BIRC6: variants seen among roughly 807,000 people sequenced by gnomAD.
The protein encoded by BIRC6 is baculoviral IAP repeat containing 6.
Under a neutral mutation model 503.3 loss-of-function variants are expected in BIRC6, and 98 were observed. That is an observed-to-expected ratio of 0.19 (90% CI 0.17 to 0.23). BIRC6 has a LOEUF of 0.23. BIRC6 is among the 10% of genes least tolerant of loss of function. BIRC6 has a pLI of 1.00. For missense variants in BIRC6, 5,360 were observed against 5,806.0 expected (o/e 0.92, Z 2.50); for synonymous variants, 2,240 against 2,078.7 (o/e 1.08, Z -2.11).
chr2:32,370,724 G>T (rs543626616), intron 1 of BIRC6, among the ~76,000 whole-genome samples: 1 of 152,098 alleles, frequency 6.6e-6, no homozygotes, highest in South Asian at 2.1e-4. Context: ...TGGGTACATA[G>T]TAGGTGTATA....
intron 45 of BIRC6, among the ~76,000 whole-genome samples, chr2:32,496,404 A>G (rs1410762324): frequency 6.6e-6 from 1 of 152,018 alleles, no homozygotes; most frequent in African/African-American, 2.4e-5. Flanking sequence ...TTGTATTTTC[A>G]GTAGAGATGG....
chr2:32,588,781 A>G (rs915395745), intron 66 of BIRC6, among the ~76,000 whole-genome samples: 1 of 152,216 alleles, frequency 6.6e-6, no homozygotes, highest in African/African-American at 2.4e-5. Context: ...TAATACTTTA[A>G]ATCTGTACAT....
chr2:32,518,295 C>G lies in BIRC6; in HGVS notation c.11391C>G (p.Asn3797Lys). 3 of 1,612,960 alleles carry G rather than the reference C, an allele frequency of 1.9e-6. No individual in the cohort carries two copies. Among genetic ancestry groups the G allele is most frequent in the Non-Finnish European group, 2.5e-6 (3 of 1,179,520 alleles). The change falls in exon 56 of 74, where the codon AAC (asparagine) becomes AAG (lysine). Residue 3797 changes from asparagine (N) to lysine (K), a missense_variant. Asn to Lys is a moderately conservative substitution (Grantham distance 94). This residue lies in a region of BIRC6 where 878 missense variants were observed against 928.9 expected (regional missense o/e 0.95). Coordinates refer to ENST00000421745, the MANE Select transcript of BIRC6 (RefSeq NM_016252.4). ...ELFQTSPQRG[N>K]LPTSGNISGF... The stretch of plus-strand genomic sequence containing the variant: ...TTCAGACATCTCCTCAAAGAGGGAA[C>G]CTTCCAACATCTGGGAACATTTCAG...
intron 68 of BIRC6, among the ~76,000 whole-genome samples, chr2:32,596,580 G>A (rs773089483): frequency 8.6e-5 from 13 of 151,950 alleles, no homozygotes; most frequent in Non-Finnish European, 1.9e-4. Flanking sequence ...AAAGTGTACA[G>A]CATCACTCAC....
intron 10 of BIRC6, among the ~76,000 whole-genome samples, chr2:32,419,719 A>G (rs1307643163): frequency 6.6e-6 from 1 of 152,172 alleles, no homozygotes; most frequent in Non-Finnish European, 1.5e-5. Context: ...GACCCCAACA[A>G]CATAAAGCCT....
chr2:32,434,178 T>C (rs1574175282), intron 13 of BIRC6, among the ~76,000 whole-genome samples: 1 of 152,214 alleles, frequency 6.6e-6, no homozygotes, highest in Admixed American at 6.5e-5. Flanking sequence ...AGCCAGCCTT[T>C]CATGTAATGC....
rs751694690 is a variant in BIRC6 at position 32,499,730 on chromosome 2, T to A, written c.8652T>A (p.Asp2884Glu). ...SDKVMSRSGS[D>E]SSVGARACFG... ...AAGTAATGTCAAGAAGTGGATCAGA[T>A]AGCTCCGTGGGTGCTCGAGCATGCT... The change falls in exon 46 of 74, where the codon GAT (aspartate) becomes GAA (glutamate). Residue 2884 changes from aspartate to glutamate, a missense_variant. Around this residue, in one of 16 missense-constraint regions of BIRC6, gnomAD observed 2,299 missense variants for 2,267.2 expected, o/e 1.01. Transcript: ENST00000421745. 1 of 1,614,034 alleles carries A rather than the reference T, an allele frequency of 6.2e-7. No individual in the cohort carries two copies. The highest frequency in any genetic ancestry group is 1.1e-5 in the South Asian group (1 of 91,082).
rs563251446 is a variant in BIRC6, at chr2:32,359,205, G to A, written c.325+1719G>A. Among the ~76,000 whole-genome samples, 8 of 152,110 alleles carry A rather than the reference G, an allele frequency of 5.3e-5. No homozygotes were observed. In the South Asian group the frequency reaches 1.5e-3, roughly 28 times the overall value. ...TATATGTTTCTATCTTGAGGATGTAGTATTTTTGTGATTTTTAACTTGGAA... is the reference window on the plus strand; with the variant it reads ...TATATGTTTCTATCTTGAGGATGTAATATTTTTGTGATTTTTAACTTGGAA... On this transcript the variant is annotated intron_variant, in intron 1 of 73. Transcript: ENST00000421745.
chr2:32,473,706 C>CGT (rs70938348), intron 33 of BIRC6, among the ~76,000 whole-genome samples: 15,948 of 72,586 alleles, frequency 0.22, 2,093 homozygotes, highest in East Asian at 0.25. Flanking sequence ...TCTCCTTTTT[C>CGT]GTGTGTGTGT....
chr2:32,609,055 G>T (rs1207060924), intron 72 of BIRC6, among the ~76,000 whole-genome samples: 1 of 151,070 alleles, frequency 6.6e-6, no homozygotes, highest in East Asian at 2.0e-4. Context: ...AATTTTTTTT[G>T]TATTTTTTAG....
chr2:32,441,457 G>C lies in BIRC6; in HGVS notation c.3939G>C (p.Lys1313Asn), dbSNP rs188870924. 1.2e-6 allele frequency: 2 copies of C among 1,608,184 alleles called. No homozygotes were observed. Among genetic ancestry groups the C allele is most frequent in the Non-Finnish European group, 1.7e-6 (2 of 1,176,246 alleles). The change falls in exon 17 of 74, where the codon AAG becomes AAC. Residue 1313 changes from lysine to asparagine, a missense_variant. This residue lies in a region of BIRC6 where 2,299 missense variants were observed against 2,267.2 expected (regional missense o/e 1.01). Coordinates refer to ENST00000421745, the MANE Select transcript of BIRC6 (RefSeq NM_016252.4). ...GATTTAAGAAAACCTCAATTTCTAAGGAAAGGTAATTTCATTGCATTATCT... is the reference window on the plus strand; with the variant it reads ...GATTTAAGAAAACCTCAATTTCTAACGAAAGGTAATTTCATTGCATTATCT... Reference protein sequence around the residue: ...IRRFKKTSISKERVQRCAMLQ... With the variant: ...IRRFKKTSISNERVQRCAMLQ...
At chr2:32,556,825 G>C (rs2150558762) in intron 65 of BIRC6, among the ~76,000 whole-genome samples, 1 of 152,236 alleles carries the variant, frequency 6.6e-6, no homozygotes, top group Admixed American at 6.5e-5. Context: ...TGTAGTCCCA[G>C]CTACTTGGGA....
At chr2:32,443,750 T>C (rs2045666607) in intron 20 of BIRC6, among the ~76,000 whole-genome samples, 162 bp downstream of exon 20, 1 of 152,246 alleles carries the variant, frequency 6.6e-6, no homozygotes, top group Non-Finnish European at 1.5e-5. Flanking sequence ...TGGGTGGTCA[T>C]ATACTCCGTC....
chr2:32,456,378 T>G (rs1321996278), intron 23 of BIRC6, among the ~76,000 whole-genome samples: 1 of 152,244 alleles, frequency 6.6e-6, no homozygotes. Context: ...AGGATTCTTT[T>G]GTCCGAATGC....
intron 65 of BIRC6, chr2:32,558,682 T>C (rs995955955): frequency 5.3e-5 from 8 of 152,222 alleles, no homozygotes; most frequent in East Asian, 3.8e-4. Context: ...TAAAGTGTTA[T>C]CAGATATGTT....
In BIRC6 at chr2:32,479,320, G is replaced by A. The variant is rs1457080523; in HGVS notation, c.7253-142G>A. 5.5e-6 allele frequency: 4 copies of A among 731,256 alleles called. No individual in the cohort carries two copies. In the African/African-American group the frequency reaches 7.1e-5, roughly 13 times the overall value. The allele number at this position is 731,256 out of a possible 1,614,324, so 45.3% of individuals were successfully genotyped here. ...GAGTCCTAGCATTCCTTACGGGGGTGGGAACTCATTTGCCTCAGATTCTTT... is the reference window on the plus strand; with the variant it reads ...GAGTCCTAGCATTCCTTACGGGGGTAGGAACTCATTTGCCTCAGATTCTTT... On this transcript the variant is annotated intron_variant, in intron 36 of 73. Transcript: ENST00000421745.
intron 35 of BIRC6, among the ~76,000 whole-genome samples, chr2:32,477,854 G>GT (rs767415021): frequency 4.6e-5 from 7 of 151,464 alleles, no homozygotes; most frequent in Non-Finnish European, 8.8e-5. Flanking sequence ...TTTGCAGTTA[G>GT]TTTTTTTATT....
chr2:32,360,952 ACT>A (rs141658742), intron 1 of BIRC6, among the ~76,000 whole-genome samples: 3,204 of 151,764 alleles, frequency 0.021, 103 homozygotes, highest in African/African-American at 0.075. Flanking sequence ...ACAGAGTGTC[ACT>A]CTGTGGCCCA....
rs781369371 is a variant in BIRC6, at chr2:32,531,426, A to G, written c.12166A>G (p.Ile4056Val). The change falls in exon 61 of 74, where the codon ATA becomes GTA. Residue 4056 changes from isoleucine (I) to valine (V), a missense_variant. Transcript: ENST00000421745. ...LTPGDECMDG[I>V]LDESLLETCP... ...TCCAGGTGATGAATGCATGGATGGG[A>G]TACTGGATGAATCTTTGCTTGAAAC... 1.9e-6 allele frequency: 3 copies of G among 1,613,850 alleles called. No individual in the cohort carries two copies. Among genetic ancestry groups the G allele is most frequent in the Admixed American group, 1.7e-5 (1 of 60,018 alleles).
Sources: allele counts gnomAD v4.1 joint callset (sites outside exome capture counted in the v4.1 genomes callset), GRCh38; gene constraint gnomAD v4.1.1; regional missense constraint gnomAD v4.1.1; transcripts MANE v1.5; gene names NCBI Gene and HGNC (gene_info 2026-07-23, HGNC 2026-07-21).